The following CCDC178 variants were observed in gnomAD, a reference collection of about 807,000 sequenced individuals.
CCDC178 encodes the protein coiled-coil domain-containing protein 178.
Under a neutral mutation model 117.4 loss-of-function variants are expected in CCDC178, and 126 were observed. The ratio of observed to expected loss-of-function variants is 1.07; its 90% CI spans 0.93 to 1.24. CCDC178 has a LOEUF of 1.24. Among genes scored for constraint, CCDC178 ranks in the 50% most tolerant of loss-of-function variants. The pLI is 0.00. For missense variants in CCDC178, 1,030 were observed against 986.9 expected (o/e 1.04, Z -0.59); for synonymous variants, 283 against 313.4 (o/e 0.90, Z 1.02).
intron 4 of CCDC178, among the ~76,000 whole-genome samples, chr18:33,395,901 C>G (rs374043680): frequency 6.6e-6 from 1 of 151,820 alleles, no homozygotes; most frequent in African/African-American, 2.4e-5. Context: ...ATGAATTGGA[C>G]GAATATCTGC....
intron 20 of CCDC178, among the ~76,000 whole-genome samples, chr18:33,193,597 A>G (rs1246477310): frequency 6.6e-6 from 1 of 152,210 alleles, no homozygotes; most frequent in Non-Finnish European, 1.5e-5. Flanking sequence ...CTTATCTCAC[A>G]TAGAATTCCG....
intron 21 of CCDC178, among the ~76,000 whole-genome samples, chr18:33,020,117 T>TTG (rs1555628511): frequency 3.0e-5 from 3 of 100,766 alleles, no homozygotes; most frequent in African/African-American, 1.4e-4. Flanking sequence ...GGATAATTGG[T>TTG]TTTTTTTTTT....
intron 21 of CCDC178, among the ~76,000 whole-genome samples, chr18:33,084,522 C>T (rs1598865022): frequency 6.6e-6 from 1 of 151,944 alleles, no homozygotes. Context: ...GTATAAGATT[C>T]GGATTAACGG....
chr18:33,092,956 A>C, intron 20 of CCDC178, 46 bp from the exon 21 acceptor site: 3 of 1,116,868 alleles, frequency 2.7e-6, no homozygotes, highest in Non-Finnish European at 3.7e-6. Context: ...TATATATATA[A>C]ACGCAATTAA....
intron 7 of CCDC178, among the ~76,000 whole-genome samples, chr18:33,351,848 C>T (rs1337595249): frequency 3.3e-5 from 5 of 152,124 alleles, no homozygotes; most frequent in East Asian, 1.9e-4. Context: ...CTACTGTGCC[C>T]GGCCTGTCAT....
intron 21 of CCDC178, among the ~76,000 whole-genome samples, chr18:33,014,624 T>C (rs2055940614): frequency 6.6e-6 from 1 of 152,048 alleles, no homozygotes; most frequent in Non-Finnish European, 1.5e-5. Context: ...AATTATAACC[T>C]ACTATATTGT....
At chr18:33,377,262 T>G (rs1356292846) in intron 5 of CCDC178, among the ~76,000 whole-genome samples, 3 of 152,220 alleles carry the variant, frequency 2.0e-5, no homozygotes, top group Non-Finnish European at 4.4e-5. Flanking sequence ...TTGAAAAGTG[T>G]TTATGTCTTT....
chr18:33,230,123 C>T (rs2059352875), intron 15 of CCDC178, among the ~76,000 whole-genome samples: 1 of 152,068 alleles, frequency 6.6e-6, no homozygotes, highest in Non-Finnish European at 1.5e-5. Context: ...GAATGCCATA[C>T]TGAGAGAGAG....
intron 22 of CCDC178, among the ~76,000 whole-genome samples, chr18:32,948,085 T>A (rs2054395462): frequency 6.6e-6 from 1 of 152,142 alleles, no homozygotes; most frequent in Non-Finnish European, 1.5e-5. Context: ...ATGCCTCATT[T>A]TTTTGGTTAC....
At chr18:33,419,627 C>T (rs891307284) in intron 2 of CCDC178, among the ~76,000 whole-genome samples, 77 of 152,146 alleles carry the variant, frequency 5.1e-4, no homozygotes, top group African/African-American at 1.6e-3. Flanking sequence ...AGTGGGCAAA[C>T]GACATGTAGA....
chr18:33,149,808 C>T (rs969960166), intron 20 of CCDC178, among the ~76,000 whole-genome samples: 4 of 152,232 alleles, frequency 2.6e-5, no homozygotes, highest in African/African-American at 4.8e-5. Context: ...TAACATGGCT[C>T]GCTCTCATTA....
intron 20 of CCDC178, among the ~76,000 whole-genome samples, chr18:33,152,662 A>C (rs967994389): frequency 2.0e-5 from 3 of 152,128 alleles, no homozygotes; most frequent in Non-Finnish European, 4.4e-5. Context: ...GCCAGAGCAC[A>C]AGAACCACAA....
intron 21 of CCDC178, among the ~76,000 whole-genome samples, chr18:33,073,736 T>G (rs1474967016): frequency 6.6e-6 from 1 of 152,152 alleles, no homozygotes; most frequent in Non-Finnish European, 1.5e-5. Context: ...AATTAGATAA[T>G]AAGTTGCTCT....
rs1478336362 is a variant in CCDC178 at position 33,086,421 on chromosome 18, T to TACACACAC, written c.2388+6339_2388+6340insGTGTGTGT. On this transcript the variant is annotated intron_variant, in intron 21 of 22. Transcript: ENST00000383096. ...GTATGTATATATACATATATAAATATATATACACACACACACACACACACA... is the reference window on the plus strand; with the variant it reads ...GTATGTATATATACATATATAAATATACACACACATATACACACACACACACACACACA... 9.9e-4 allele frequency among the ~76,000 whole-genome samples: 148 copies of TACACACAC among 149,666 alleles called. 1 individual carries two copies. The highest frequency in any genetic ancestry group is 3.5e-3 in the African/African-American group (141 of 40,284).
rs2062062646 is a variant in CCDC178, at chr18:33,293,363, T to C, written c.1023-51A>G. On this transcript the variant is annotated intron_variant, in intron 11 of 22. Coordinates refer to ENST00000383096, the MANE Select transcript of CCDC178 (RefSeq NM_001105528.4). ...TATTCACATTAAAAGAAAAAATATA[T>C]TTTAAATTATACTTAGGCCAGGCTT... The C allele has an allele frequency of 2.5e-6, 3 of 1,176,544 alleles. No homozygotes were observed. In the South Asian group the frequency reaches 4.7e-5, roughly 18 times the overall value. The allele number at this position is 1,176,544 out of a possible 1,614,324, so 72.9% of individuals were successfully genotyped here. A position where few individuals can be genotyped will look rare whatever the true frequency, so the allele number is the denominator to read the frequency against.
chr18:33,151,967 C>G (rs961425220), intron 20 of CCDC178, among the ~76,000 whole-genome samples: 2 of 152,102 alleles, frequency 1.3e-5, no homozygotes, highest in African/African-American at 4.8e-5. Flanking sequence ...AAAGAAATTA[C>G]GTATAAAGTA....
At chr18:33,098,511 G>A (rs554911527) in intron 20 of CCDC178, among the ~76,000 whole-genome samples, 1 of 151,874 alleles carries the variant, frequency 6.6e-6, no homozygotes, top group East Asian at 2.0e-4. Context: ...CTAATTCTTG[G>A]TTATTAAGAA....
intron 10 of CCDC178, among the ~76,000 whole-genome samples, chr18:33,331,258 T>C (rs2062664911): frequency 6.6e-6 from 1 of 151,984 alleles, no homozygotes; most frequent in East Asian, 2.0e-4. Flanking sequence ...TTATACCAGT[T>C]AGGATTGAGT....
chr18:32,953,970 T>G (rs552600194), intron 22 of CCDC178: 1 of 152,292 alleles, frequency 6.6e-6, no homozygotes, highest in South Asian at 2.1e-4. Flanking sequence ...TTGATTTTTT[T>G]TCCCTAGCCT....
Sources: allele counts gnomAD v4.1 joint callset (sites outside exome capture counted in the v4.1 genomes callset), GRCh38; gene constraint gnomAD v4.1.1; transcripts MANE v1.5; gene names NCBI Gene and HGNC (gene_info 2026-07-23, HGNC 2026-07-21).